Variants in INPP4A observed in about 807,000 individuals in gnomAD.
INPP4A encodes inositol polyphosphate-4-phosphatase, type I, 107kD.
Under a neutral mutation model 119.8 loss-of-function variants are expected in INPP4A, and 33 were observed. That is an observed-to-expected ratio of 0.28 (90% CI 0.21 to 0.37). INPP4A has a LOEUF of 0.37. Among genes scored for constraint, INPP4A ranks in the 10% least tolerant of loss-of-function variants. INPP4A has a pLI of 1.00. For missense variants in INPP4A, 956 were observed against 1,289.9 expected, an observed-to-expected ratio of 0.74 and a Z score of 3.97; for synonymous variants, 496 against 500.7, an observed-to-expected ratio of 0.99 and a Z score of 0.12.
At chr2:98,482,047 G>A (rs1354608395) in intron 1 of INPP4A, among the ~76,000 whole-genome samples, 4 of 152,218 alleles carry the variant, frequency 2.6e-5, no homozygotes, top group Non-Finnish European at 5.9e-5. Context: ...GCTGCAGTGG[G>A]AGGATCACTT....
intron 1 of INPP4A, among the ~76,000 whole-genome samples, chr2:98,471,611 C>T (rs559017296): frequency 1.3e-5 from 2 of 152,350 alleles, no homozygotes; most frequent in Non-Finnish European, 2.9e-5. Flanking sequence ...AAGGTCAACG[C>T]TCAGTGTGTG....
Position 98,554,154 on chromosome 2 carries a change from G to A in INPP4A, c.1348-117G>A. On this transcript the variant is annotated intron_variant, in intron 14 of 24. Transcript: ENST00000409851. This position sits in a 1 kb window ranked among gnomAD's most constrained non-coding sequence, Gnocchi z 4.7. ...CCCTTCAGTTGCTTTGCACTGTGGA[G>A]AAAGGCAGAGGGGTGCAGTGCTGGG... is the stretch of plus-strand genomic sequence containing the variant. The A allele has an allele frequency of 1.4e-6, 1 of 740,444 alleles. No homozygotes were observed. Among genetic ancestry groups the A allele is most frequent in the Non-Finnish European group, 2.2e-6 (1 of 458,282 alleles). 45.9% of individuals were successfully genotyped at this position (740,444 alleles called of 1,614,324 possible).
In INPP4A at chr2:98,554,437, C is replaced by A; in HGVS notation, c.1514C>A (p.Thr505Lys). 1 of 1,613,898 alleles carries A rather than the reference C, an allele frequency of 6.2e-7. No individual in the cohort carries two copies. The highest frequency in any genetic ancestry group is 8.5e-7 in the Non-Finnish European group (1 of 1,179,870). The stretch of plus-strand genomic sequence containing the variant: ...CAGGACACCCTCATGGCCCGGTGGA[C>A]AGGGAGAAACAGCCGATCTTCCCTG... ...NDQDTLMARWTGRNSRSSLQV... is the reference protein window; with the variant it reads ...NDQDTLMARWKGRNSRSSLQV... The change falls in exon 15 of 25, where the codon ACA becomes AAA. Residue 505 changes from threonine (T) to lysine (K), a missense_variant. Thr to Lys is a moderately conservative substitution (Grantham distance 78). Around this residue, in one of 2 missense-constraint regions of INPP4A, gnomAD observed 652 missense variants for 797.9 expected, o/e 0.82. Transcript: ENST00000409851. This position sits in a 1 kb window ranked among gnomAD's most constrained non-coding sequence, Gnocchi z 4.7.
intron 24 of INPP4A, chr2:98,581,818 A>T: frequency 6.5e-7 from 1 of 1,550,098 alleles, no homozygotes; most frequent in Non-Finnish European, 8.7e-7. Context: ...ATGTCCAGCC[A>T]CCGTGTACCT....
intron 1 of INPP4A, among the ~76,000 whole-genome samples, chr2:98,461,004 A>G (rs980886373): frequency 6.6e-6 from 1 of 152,184 alleles, no homozygotes; most frequent in African/African-American, 2.4e-5. Flanking sequence ...AGTGTGAAAT[A>G]GCTGGCTGGG....
intron 1 of INPP4A, among the ~76,000 whole-genome samples, chr2:98,448,033 T>A (rs12992894): frequency 1.5e-5 from 2 of 132,178 alleles, no homozygotes; most frequent in African/African-American, 3.0e-5. Flanking sequence ...GAGGACAGAG[T>A]GAGACTCTGT....
chr2:98,554,265 C>T lies in INPP4A; in HGVS notation c.1348-6C>T, dbSNP rs774200786. Reference sequence around the variant, plus strand: ...CTCAGCAGCCTTGGTTTGTGTGCACCTGCAGACACGGCAGCTGGTCACGGT... The same window carrying T: ...CTCAGCAGCCTTGGTTTGTGTGCACTTGCAGACACGGCAGCTGGTCACGGT... On this transcript the variant is annotated splice_polypyrimidine_tract_variant and splice_region_variant and intron_variant, in intron 14 of 24. Transcript: ENST00000409851. The surrounding 1 kb of genome is among the most constrained non-coding windows in gnomAD (Gnocchi z 4.7). 18 of 1,593,610 alleles carry T rather than the reference C, an allele frequency of 1.1e-5. No individual in the cohort carries two copies. The highest frequency in any genetic ancestry group is 1.2e-5 in the Non-Finnish European group (14 of 1,170,436).
chr2:98,500,174 C>T (rs987706634), intron 1 of INPP4A, among the ~76,000 whole-genome samples: 3 of 152,064 alleles, frequency 2.0e-5, no homozygotes, highest in African/African-American at 7.2e-5. Flanking sequence ...TTGTGGTATA[C>T]AGAGTCCTCA....
rs543388769 is a variant in INPP4A at position 98,520,014 on chromosome 2, C to T, written c.-35C>T. 35 of 1,528,398 alleles carry T rather than the reference C, an allele frequency of 2.3e-5. No individual in the cohort carries two copies. Among genetic ancestry groups the T allele is most frequent in the African/African-American group, 4.1e-5 (3 of 73,044 alleles). The allele number at this position is 1,528,398 out of a possible 1,614,324, so 94.7% of individuals were successfully genotyped here. A position where few individuals can be genotyped will look rare whatever the true frequency, so the allele number is the denominator to read the frequency against. On this transcript the variant is annotated 5_prime_UTR_variant, in exon 3 of 25. Coordinates refer to ENST00000409851, the MANE Select transcript of INPP4A (RefSeq NM_001134225.2). ...CCCGGGTAATCAGGCGTGGTCTGAC[C>T]GAGGATCAAGAAGCACATCATCACC...
chr2:98,500,213 G>A (rs1574768416), intron 1 of INPP4A, among the ~76,000 whole-genome samples: 1 of 152,100 alleles, frequency 6.6e-6, no homozygotes, highest in South Asian at 2.1e-4. Context: ...AGATTGCAGC[G>A]AACTTCTAAG....
chr2:98,528,318 A>G (rs923600194), intron 4 of INPP4A, among the ~76,000 whole-genome samples: 1 of 152,224 alleles, frequency 6.6e-6, no homozygotes, highest in Non-Finnish European at 1.5e-5. Flanking sequence ...GAATCAGCAA[A>G]CTTGAAGACA....
At chr2:98,450,826 C>G (rs996022766) in intron 1 of INPP4A, among the ~76,000 whole-genome samples, 1 of 152,114 alleles carries the variant, frequency 6.6e-6, no homozygotes, top group African/African-American at 2.4e-5. Flanking sequence ...TGCAGTGGCT[C>G]TAGCCTGCAA....
At position 98,554,288 on chromosome 2, in the gene INPP4A, G is replaced by C. The variant is rs368684052; in HGVS notation, c.1365G>C (p.Thr455=). The part of the protein sequence containing the change: ...ILADKTRQLV[T]VCDCKLLANS... ...ACCTGCAGACACGGCAGCTGGTCAC[G>C]GTCTGCGACTGCAAGCTCCTGGCCA... The change falls in exon 15 of 25, where the codon ACG becomes ACC. Residue 455 remains threonine, a synonymous_variant. Transcript: ENST00000409851. The surrounding 1 kb of genome is among the most constrained non-coding windows in gnomAD (Gnocchi z 4.7). The C allele has an allele frequency of 3.1e-6, 5 of 1,606,774 alleles. No individual in the cohort carries two copies. In the African/African-American group the frequency reaches 4.0e-5, roughly 13 times the overall value.
At chr2:98,547,018 AG>A (rs1692597303) in intron 13 of INPP4A, among the ~76,000 whole-genome samples, 1 of 152,200 alleles carries the variant, frequency 6.6e-6, no homozygotes, top group Non-Finnish European at 1.5e-5. Context: ...CAGTCAGTTG[AG>A]CACCATAGGC....
rs1700488917 is a variant in INPP4A, at chr2:98,593,494, T to A, written c.*5886T>A. On this transcript the variant is annotated 3_prime_UTR_variant, in exon 25 of 25. Coordinates refer to ENST00000409851, the MANE Select transcript of INPP4A (RefSeq NM_001134225.2). The stretch of plus-strand genomic sequence containing the variant: ...GTTCCCTTTCTCACTTAAGATGATC[T>A]TCCTGAAAAATCTTACACATTCCTG... The A allele has an allele frequency of 6.6e-6, 1 of 152,284 alleles. No homozygotes were observed. Among genetic ancestry groups the A allele is most frequent in the Non-Finnish European group, 1.5e-5 (1 of 68,046 alleles). 9.4% of individuals were successfully genotyped at this position (152,284 alleles called of 1,614,324 possible).
rs936415483 is a variant in INPP4A at position 98,521,773 on chromosome 2, GA to G, written c.151+1054del. On this transcript the variant is annotated intron_variant, in intron 4 of 24. Transcript: ENST00000409851. Reference sequence around the variant, plus strand: ...ATAGCAAGACCCTGTTTCTAAAAAAGAAAAAAAAAAAACTTACCTGGCTGTA... The same window carrying G: ...ATAGCAAGACCCTGTTTCTAAAAAAGAAAAAAAAAAACTTACCTGGCTGTA... The G allele has an allele frequency of 3.5e-4, 48 of 138,140 alleles. 1 individual carries two copies. The highest frequency in any genetic ancestry group is 1.2e-3 in the East Asian group (6 of 4,806). The allele number at this position is 138,140 out of a possible 1,614,324, so 8.6% of individuals were successfully genotyped here.
rs995754752 is a variant in INPP4A, at chr2:98,569,463, G to A, written c.2518+795G>A. 2.3e-4 allele frequency: 35 copies of A among 152,436 alleles called. No individual in the cohort carries two copies. Among genetic ancestry groups the A allele is most frequent in the African/African-American group, 7.9e-4 (33 of 41,592 alleles). 9.4% of individuals were successfully genotyped at this position (152,436 alleles called of 1,614,324 possible). ...GTGTCCTCTGATGGGGGTTTCCAAA[G>A]AGGGAACCCACATCGGCTGGGCTTT... is the stretch of plus-strand genomic sequence containing the variant. On this transcript the variant is annotated intron_variant, in intron 22 of 24. Transcript: ENST00000409851. The surrounding 1 kb of genome is among the most constrained non-coding windows in gnomAD (Gnocchi z 5.1).
intron 1 of INPP4A, among the ~76,000 whole-genome samples, chr2:98,472,636 C>A (rs1255141224): frequency 6.6e-6 from 1 of 152,260 alleles, no homozygotes; most frequent in Non-Finnish European, 1.5e-5. Context: ...TGTCCCCTCC[C>A]CTAGCCCCAG....
chr2:98,471,078 TG>T (rs1323111312), intron 1 of INPP4A, among the ~76,000 whole-genome samples: 1 of 152,230 alleles, frequency 6.6e-6, no homozygotes, highest in Non-Finnish European at 1.5e-5. Context: ...CAGAATGGTT[TG>T]GCCCAAGCTT....
Sources: gnomAD v4.1 joint callset for allele counts (sites outside exome capture counted in the v4.1 genomes callset) on GRCh38, gnomAD v4.1.1 for gene constraint, gnomAD v4.1.1 regional missense constraint, Gnocchi (gnomAD v3.1) non-coding constraint, MANE v1.5 for transcripts, NCBI Gene and HGNC (gene_info 2026-07-23, HGNC 2026-07-21) for gene names.